The following CDCA4 variants were observed in gnomAD, a reference collection of about 807,000 sequenced individuals.
The protein encoded by CDCA4 is cell division cycle-associated protein 4.
For missense variants in CDCA4, 294 were observed against 322.1 expected (o/e 0.91, Z 0.67); for synonymous variants, 130 against 137.0 (o/e 0.95, Z 0.36).
At chr14:105,013,038 G>A (rs1429223275) in intron 1 of CDCA4, among the ~76,000 whole-genome samples, 1 of 152,264 alleles carries the variant, frequency 6.6e-6, no homozygotes, top group Non-Finnish European at 1.5e-5. Context: ...GGCGCTGTTG[G>A]TTGAAGATGC....
chr14:105,011,256 T>G lies in CDCA4; in HGVS notation c.674A>C (p.Lys225Thr). ...GTGGTCCAGCTCGCCCAGGTCGGAC[T>G]TGCAGCTGGAGCTAGGGCCTGGGGT... The part of the protein sequence containing the change: ...PATPGPSSSC[K>T]SDLGELDHVV... The change falls in exon 2 of 2, where the codon AAG becomes ACG. Residue 225 changes from lysine to threonine, a missense_variant. Lys to Thr is a moderately conservative substitution (Grantham distance 78). Coordinates refer to ENST00000336219, the MANE Select transcript of CDCA4 (RefSeq NM_017955.4). 6.2e-7 allele frequency: 1 copy of G among 1,613,552 alleles called. No homozygotes were observed. The highest frequency in any genetic ancestry group is 8.5e-7 in the Non-Finnish European group (1 of 1,179,860).
chr14:105,020,793 A>G (rs1886211783), intron 1 of CDCA4, among the ~76,000 whole-genome samples: 1 of 151,724 alleles, frequency 6.6e-6, no homozygotes, highest in Non-Finnish European at 1.5e-5. Context: ...CCCCCTCAGC[A>G]GCGGCCACCC....
chr14:105,011,026 A>C lies in CDCA4; in HGVS notation c.*178T>G. 1 of 702,564 alleles carries C rather than the reference A, an allele frequency of 1.4e-6. No homozygotes were observed. The highest frequency in any genetic ancestry group is 3.1e-5 in the Admixed American group (1 of 32,518). The allele number at this position is 702,564 out of a possible 1,614,324, so 43.5% of individuals were successfully genotyped here. A position where few individuals can be genotyped will look rare whatever the true frequency, so the allele number is the denominator to read the frequency against. On this transcript the variant is annotated 3_prime_UTR_variant, in exon 2 of 2. Coordinates refer to ENST00000336219, the MANE Select transcript of CDCA4 (RefSeq NM_017955.4). ...CTCTGCCTGGCGCTCCACAGGGGGG[A>C]GGTGAGTGGGACGGGCCTAGGGCTG... is the stretch of plus-strand genomic sequence containing the variant.
rs1406628944 is a variant in CDCA4 at position 105,010,205 on chromosome 14, T to C, written c.*999A>G. On this transcript the variant is annotated 3_prime_UTR_variant, in exon 2 of 2. Coordinates refer to ENST00000336219, the MANE Select transcript of CDCA4 (RefSeq NM_017955.4). ...GATTCAGATTTCTTTCATTCTAGACTTCAACCTAGCCTTAACCTTTTGTTT... is the reference window on the plus strand; with the variant it reads ...GATTCAGATTTCTTTCATTCTAGACCTCAACCTAGCCTTAACCTTTTGTTT... The C allele has an allele frequency of 1.3e-5, 2 of 152,694 alleles. No homozygotes were observed. The highest frequency in any genetic ancestry group is 2.9e-5 in the Non-Finnish European group (2 of 68,062). The allele number at this position is 152,694 out of a possible 1,614,324, so 9.5% of individuals were successfully genotyped here.
In CDCA4 at chr14:105,009,682, T is replaced by G. The variant is rs917365823; in HGVS notation, c.*1522A>C. ...CCTTTAAACTAGGGTCCATGAGGAT[T>G]AACTTTCGACATCGGGGGCTGTCAG... On this transcript the variant is annotated 3_prime_UTR_variant, in exon 2 of 2. Coordinates refer to ENST00000336219, the MANE Select transcript of CDCA4 (RefSeq NM_017955.4). 1 of 152,230 alleles carries G rather than the reference T, an allele frequency of 6.6e-6. No individual in the cohort carries two copies. The highest frequency in any genetic ancestry group is 6.5e-5 in the Admixed American group (1 of 15,284). The allele number at this position is 152,230 out of a possible 1,614,324, so 9.4% of individuals were successfully genotyped here.
At chr14:105,013,946 C>T (rs1156483289) in intron 1 of CDCA4, among the ~76,000 whole-genome samples, 1 of 152,216 alleles carries the variant, frequency 6.6e-6, no homozygotes, top group Non-Finnish European at 1.5e-5. Context: ...CACCTGGGCA[C>T]GGTGACACAC....
intron 1 of CDCA4, among the ~76,000 whole-genome samples, chr14:105,014,285 G>C (rs1900587597): frequency 1.3e-5 from 2 of 152,248 alleles, no homozygotes; most frequent in Admixed American, 1.3e-4. Flanking sequence ...CGGACCTGGG[G>C]CCTGGCTGTG....
intron 1 of CDCA4, among the ~76,000 whole-genome samples, chr14:105,013,922 G>A (rs1393026469): frequency 1.3e-5 from 2 of 152,212 alleles, no homozygotes; most frequent in Non-Finnish European, 2.9e-5. Flanking sequence ...CTGAAACAAG[G>A]AAAATGTACC....
At chr14:105,015,718 G>A (rs375264468) in intron 1 of CDCA4, among the ~76,000 whole-genome samples, 1 of 151,794 alleles carries the variant, frequency 6.6e-6, no homozygotes, top group African/African-American at 2.4e-5. Context: ...AGGCTGGAGT[G>A]CAGTGGCGCA....
At chr14:105,013,026 C>A (rs1006446209) in intron 1 of CDCA4, among the ~76,000 whole-genome samples, 14 of 152,252 alleles carry the variant, frequency 9.2e-5, no homozygotes, top group Non-Finnish European at 1.9e-4. Flanking sequence ...TGCCTCAGCA[C>A]TGGCGCTGTT....
Position 105,012,037 on chromosome 14 carries a change from C to T in CDCA4, c.-6-102G>A, listed in dbSNP as rs566079310. ...TGCCCTCACTGTACGCAAGGAGCAG[C>T]GACTCCGTAACTGGCAGGGACTTGA... On this transcript the variant is annotated intron_variant, in intron 1 of 1. Transcript: ENST00000336219. The T allele has an allele frequency of 5.9e-5, 80 of 1,357,344 alleles. No homozygotes were observed. The East Asian group carries it at 1.1e-3, about 19-fold the overall frequency. The allele number at this position is 1,357,344 out of a possible 1,614,324, so 84.1% of individuals were successfully genotyped here.
At chr14:105,017,552 C>G (rs776366095) in intron 1 of CDCA4, among the ~76,000 whole-genome samples, 2 of 152,102 alleles carry the variant, frequency 1.3e-5, no homozygotes, top group Non-Finnish European at 2.9e-5. Flanking sequence ...CTTAAACAGC[C>G]CGGGCACAGT....
rs142182725 is a variant in CDCA4, at chr14:105,011,454, T to A, written c.476A>T (p.His159Leu). 8 of 1,614,084 alleles carry A rather than the reference T, an allele frequency of 5.0e-6. No homozygotes were observed. The highest frequency in any genetic ancestry group is 6.8e-6 in the Non-Finnish European group (8 of 1,180,032). ...TTCAAATATCTGATCAAGTGACTTG[T>A]GAAAGCTTCCTCTGTTTTCTCGAGG... ...DGPRENRGSF[H>L]KSLDQIFETL... is the part of the protein sequence containing the mutation. The change falls in exon 2 of 2, where the codon CAC becomes CTC. Residue 159 changes from histidine to leucine, a missense_variant. By Grantham distance (99) the His-to-Leu change is moderately conservative. Coordinates refer to ENST00000336219, the MANE Select transcript of CDCA4 (RefSeq NM_017955.4).
At position 105,014,928 on chromosome 14, in the gene CDCA4, C is replaced by A. The variant is rs552753059; in HGVS notation, c.-6-2993G>T. 2.0e-5 allele frequency among the ~76,000 whole-genome samples: 3 copies of A among 152,322 alleles called. No homozygotes were observed. The South Asian group carries it at 6.2e-4, about 32-fold the overall frequency. On this transcript the variant is annotated intron_variant, in intron 1 of 1. Coordinates refer to ENST00000336219, the MANE Select transcript of CDCA4 (RefSeq NM_017955.4). ...CCCAAGTTTATAGACAGAAGAACCCCTGGCTGCCTCCCCTGACTCTGGAAA... is the reference window on the plus strand; with the variant it reads ...CCCAAGTTTATAGACAGAAGAACCCATGGCTGCCTCCCCTGACTCTGGAAA...
chr14:105,010,577 C>T lies in CDCA4; in HGVS notation c.*627G>A, dbSNP rs1595451539. 6.6e-6 allele frequency: 1 copy of T among 152,332 alleles called. No individual in the cohort carries two copies. Among genetic ancestry groups the T allele is most frequent in the Non-Finnish European group, 1.5e-5 (1 of 68,090 alleles). 9.4% of individuals were successfully genotyped at this position (152,332 alleles called of 1,614,324 possible). A position where few individuals can be genotyped will look rare whatever the true frequency, so the allele number is the denominator to read the frequency against. On this transcript the variant is annotated 3_prime_UTR_variant, in exon 2 of 2. Transcript: ENST00000336219. ...ACATAATGAAGAAGTATCACACACA[C>T]ATTTAAAGTAAAACATGATACATTC... is the stretch of plus-strand genomic sequence containing the variant.
chr14:105,016,344 T>C (rs1900655158), intron 1 of CDCA4, among the ~76,000 whole-genome samples: 2 of 152,212 alleles, frequency 1.3e-5, no homozygotes, highest in South Asian at 4.1e-4. Flanking sequence ...TACTGACAAT[T>C]TTCCCAATCA....
intron 1 of CDCA4, among the ~76,000 whole-genome samples, chr14:105,020,186 A>C (rs1415514735): frequency 6.6e-6 from 1 of 152,226 alleles, no homozygotes; most frequent in African/African-American, 2.4e-5. Flanking sequence ...CCTAATTATA[A>C]AACACGGTGA....
In CDCA4 at chr14:105,015,937, G is replaced by GGT. The variant is rs539381434; in HGVS notation, c.-6-4003_-6-4002insAC. 1.1e-4 allele frequency among the ~76,000 whole-genome samples: 16 copies of GGT among 151,924 alleles called. No individual in the cohort carries two copies. In the East Asian group the frequency reaches 3.1e-3, roughly 29 times the overall value. ...GGCCTCCCAAAGTGCTGGGACTACA[G>GGT]GCGTCAGCCACCGTGCCAGGCCAGG... On this transcript the variant is annotated intron_variant, in intron 1 of 1. Coordinates refer to ENST00000336219, the MANE Select transcript of CDCA4 (RefSeq NM_017955.4).
chr14:105,020,656 C>A (rs924988235), intron 1 of CDCA4, among the ~76,000 whole-genome samples: 1 of 152,218 alleles, frequency 6.6e-6, no homozygotes, highest in Admixed American at 6.5e-5. Flanking sequence ...GGAAACGCCG[C>A]TGCGTACCCC....
Sources: allele counts gnomAD v4.1 joint callset (sites outside exome capture counted in the v4.1 genomes callset), GRCh38; gene constraint gnomAD v4.1.1; transcripts MANE v1.5; gene names NCBI Gene and HGNC (gene_info 2026-07-23, HGNC 2026-07-21).